ENOX1: variants seen among roughly 807,000 people sequenced by gnomAD.
ENOX1 encodes the protein candidate growth-related and time keeping constitutive hydroquinone (NADH) oxidase.
In ENOX1, 42 loss-of-function variants were observed where a neutral mutation model predicts 82.5. That is an observed-to-expected ratio of 0.51 (90% CI 0.40 to 0.66). The LOEUF (loss-of-function observed/expected upper bound fraction) is 0.66, where lower values mean the gene tolerates loss of function less well. Ranked by LOEUF, ENOX1 falls within the 30% of genes least tolerant of loss-of-function variation. ENOX1 has a pLI of 0.00. For missense variants in ENOX1, 608 were observed against 811.6 expected (o/e 0.75, Z 3.05); for synonymous variants, 271 against 282.2 (o/e 0.96, Z 0.40).
intron 8 of ENOX1, among the ~76,000 whole-genome samples, chr13:43,352,118 C>G (rs899548905): frequency 3.3e-5 from 5 of 152,194 alleles, no homozygotes; most frequent in Non-Finnish European, 4.4e-5. Flanking sequence ...CCCTTCCTCC[C>G]TCTGGCAGGC....
rs899078721 is a variant in ENOX1 at position 43,473,883 on chromosome 13, T to G, written c.-75+10126A>C. On this transcript the variant is annotated intron_variant, in intron 3 of 16. Transcript: ENST00000690772. ...ATGTCTTATTATTCTTCTCCTTGAG[T>G]AAATCCTAACTGTTAACGGGAAATA... Among the ~76,000 whole-genome samples, 2 of 152,154 alleles carry G rather than the reference T, an allele frequency of 1.3e-5. 1 individual carries two copies. The highest frequency in any genetic ancestry group is 2.9e-5 in the Non-Finnish European group (2 of 68,036).
chr13:43,759,857 T>G (rs1280365857), intron 1 of ENOX1, among the ~76,000 whole-genome samples: 4 of 152,208 alleles, frequency 2.6e-5, no homozygotes, highest in African/African-American at 9.6e-5. Flanking sequence ...CATCCATTCA[T>G]TTAACAAGTA....
intron 5 of ENOX1, among the ~76,000 whole-genome samples, chr13:43,398,318 A>G (rs1209952253): frequency 6.6e-6 from 1 of 152,226 alleles, no homozygotes; most frequent in Non-Finnish European, 1.5e-5. Context: ...ACAGAAATGT[A>G]GCATCAGACA....
intron 2 of ENOX1, among the ~76,000 whole-genome samples, chr13:43,579,589 G>A (rs536885476): frequency 1.3e-5 from 2 of 152,276 alleles, no homozygotes; most frequent in African/African-American, 4.8e-5. Flanking sequence ...CCATGTCTAT[G>A]TTATTGATCT....
At chr13:43,394,301 A>T (rs1279991019) in intron 5 of ENOX1, among the ~76,000 whole-genome samples, 1 of 152,212 alleles carries the variant, frequency 6.6e-6, no homozygotes, top group Non-Finnish European at 1.5e-5. Context: ...ATGACTAGCC[A>T]ATTTCATTGA....
intron 5 of ENOX1, among the ~76,000 whole-genome samples, chr13:43,365,288 T>C (rs1268324607): frequency 6.6e-6 from 1 of 152,168 alleles, no homozygotes. Context: ...AGGTTAGGTG[T>C]GGGCAGGGAG....
chr13:43,506,244 A>G (rs1203472203), intron 2 of ENOX1, among the ~76,000 whole-genome samples: 1 of 151,988 alleles, frequency 6.6e-6, no homozygotes, highest in Non-Finnish European at 1.5e-5. Flanking sequence ...AATGCTCATC[A>G]TTACTGGCCA....
intron 2 of ENOX1, among the ~76,000 whole-genome samples, chr13:43,603,233 C>A (rs1333771593): frequency 1.3e-5 from 2 of 151,894 alleles, no homozygotes; most frequent in African/African-American, 4.8e-5. Flanking sequence ...ATATGTCATG[C>A]TATATTGTCA....
rs770652593 is a variant in ENOX1, at chr13:43,298,494, T to C, written c.1298A>G (p.Asn433Ser). The C allele has an allele frequency of 2.5e-6, 4 of 1,613,854 alleles. 1 individual carries two copies. The South Asian group carries it at 4.4e-5, about 18-fold the overall frequency. The change falls in exon 12 of 17, where the codon AAT becomes AGT. Residue 433 changes from asparagine (N) to serine (S), a missense_variant. Transcript: ENST00000690772. ...AAQAYALKEE[N>S]DSLRWQLDAY... ...ATCCAGCTGCCAGCGGAGACTGTCA[T>C]TCTCCTCTTTCAGAGCGTAGGCCTG...
chr13:43,243,636 T>C (rs2042946828), intron 14 of ENOX1, among the ~76,000 whole-genome samples: 1 of 152,208 alleles, frequency 6.6e-6, no homozygotes, highest in Non-Finnish European at 1.5e-5. Context: ...TCCTACTTTG[T>C]CTCTGCCTCT....
chr13:43,589,909 A>G (rs928863588), intron 2 of ENOX1, among the ~76,000 whole-genome samples: 1 of 152,072 alleles, frequency 6.6e-6, no homozygotes, highest in Admixed American at 6.5e-5. Context: ...AAAAAAAAAA[A>G]AAAAAAATCC....
In ENOX1 at chr13:43,576,833, G is replaced by A. The variant is rs75605872; in HGVS notation, c.-219+90646C>T. Among the ~76,000 whole-genome samples the A allele has an allele frequency of 7.7e-4, 117 of 152,298 alleles. 1 individual carries two copies. In the East Asian group the frequency reaches 0.019, roughly 25 times the overall value. ...ATAAACTCCATGAGGGCAGGAAAAT[G>A]TCTGTTTTCTCAGCTGCTCCATGTT... On this transcript the variant is annotated intron_variant, in intron 2 of 16. Coordinates refer to ENST00000690772, the MANE Select transcript of ENOX1 (RefSeq NM_001347969.2).
chr13:43,497,117 T>C (rs1034797523), intron 2 of ENOX1, among the ~76,000 whole-genome samples: 9 of 152,182 alleles, frequency 5.9e-5, no homozygotes, highest in African/African-American at 1.7e-4. Flanking sequence ...TCCTGAAACC[T>C]TGTAAATTCA....
chr13:43,260,655 C>G (rs906984333), intron 14 of ENOX1, among the ~76,000 whole-genome samples: 4 of 151,956 alleles, frequency 2.6e-5, no homozygotes, highest in Non-Finnish European at 5.9e-5. Flanking sequence ...AAAAAAGATG[C>G]AAGATAAGAA....
At chr13:43,531,068 T>C (rs1195793545) in intron 2 of ENOX1, among the ~76,000 whole-genome samples, 2 of 151,946 alleles carry the variant, frequency 1.3e-5, no homozygotes, top group African/African-American at 4.8e-5. Flanking sequence ...AAAACTAAAA[T>C]AATATAATAC....
rs35602155 is a variant in ENOX1, at chr13:43,741,083, C to CTT, written c.-285+45567_-285+45568dup. ...AAACTGTTCTCCAAAATGGCTGAAA[C>CTT]TTTTTTTTTTTTTTTTTTTGAGACA... On this transcript the variant is annotated intron_variant, in intron 1 of 16. Transcript: ENST00000690772. 6.3e-5 allele frequency among the ~76,000 whole-genome samples: 8 copies of CTT among 127,130 alleles called. No individual in the cohort carries two copies. In the East Asian group the frequency reaches 9.1e-4, roughly 14 times the overall value. 83.4% of individuals were successfully genotyped at this position (127,130 alleles called of 152,430 possible). A position where few individuals can be genotyped will look rare whatever the true frequency, so the allele number is the denominator to read the frequency against.
At chr13:43,668,316 T>C (rs1344395170) in intron 1 of ENOX1, among the ~76,000 whole-genome samples, 1 of 152,190 alleles carries the variant, frequency 6.6e-6, no homozygotes, top group Admixed American at 6.5e-5. Context: ...AAGTGCCTTA[T>C]ACATCAGGCC....
At chr13:43,771,361 G>C (rs1036064698) in intron 1 of ENOX1, among the ~76,000 whole-genome samples, 5 of 151,978 alleles carry the variant, frequency 3.3e-5, no homozygotes, top group Admixed American at 3.3e-4. Context: ...AAACCCCCGA[G>C]GACCTAACCC....
chr13:43,234,909 G>GCTAT (rs1323415756), intron 15 of ENOX1, among the ~76,000 whole-genome samples: 1 of 152,160 alleles, frequency 6.6e-6, no homozygotes, highest in African/African-American at 2.4e-5. Context: ...AAAAGAAGCA[G>GCTAT]CTATCTCTAG....
Sources: gnomAD v4.1 joint callset for allele counts (sites outside exome capture counted in the v4.1 genomes callset) on GRCh38, gnomAD v4.1.1 for gene constraint, MANE v1.5 for transcripts, NCBI Gene and HGNC (gene_info 2026-07-23, HGNC 2026-07-21) for gene names.